Variants in SLFN14 observed in about 807,000 individuals in gnomAD.
SLFN14 encodes schlafen family member 14.
SLFN14 carries 47 observed loss-of-function variants against 58.6 expected under a neutral mutation model. The observed-to-expected ratio is 0.80, with a 90% CI of 0.64 to 1.02. The LOEUF (loss-of-function observed/expected upper bound fraction) is 1.02. SLFN14 is among the 50% of genes least tolerant of loss of function. The pLI is 0.00. For synonymous variants in SLFN14, 390 were observed against 387.3 expected, an observed-to-expected ratio of 1.01 and a Z score of -0.08; for missense variants, 967 against 1,078.4, an observed-to-expected ratio of 0.90 and a Z score of 1.45.
chr17:35,558,011 C>T lies in SLFN14; in HGVS notation c.52G>A (p.Asp18Asn), dbSNP rs1440889826. 15 of 1,551,462 alleles carry T rather than the reference C, an allele frequency of 9.7e-6. No homozygotes were observed. The highest frequency in any genetic ancestry group is 1.3e-5 in the Non-Finnish European group (15 of 1,147,008). Residue 18 changes from aspartate (D) to asparagine (N), a missense_variant, in exon 3 of 6, where the codon GAT becomes AAT. By Grantham distance (23) the Asp-to-Asn change is conservative. Transcript: ENST00000674182. ...TCTCCAAAAATCACTCTGCCCACAT[C>T]TACTATTACCTCAGGATACGGCATT... ...TEMPYPEVIVDVGRVIFGEEN... is the reference protein window; with the variant it reads ...TEMPYPEVIVNVGRVIFGEEN...
In SLFN14 at chr17:35,557,396, G is replaced by C. The variant is rs757188030; in HGVS notation, c.667C>G (p.Arg223Gly). Residue 223 changes from arginine to glycine, a missense_variant, in exon 3 of 6, where the codon CGG (arginine) becomes GGG (glycine). Arg to Gly is a moderately radical substitution (Grantham distance 125, BLOSUM62 -2). Coordinates refer to ENST00000674182, the MANE Select transcript of SLFN14 (RefSeq NM_001129820.2). Reference protein sequence around the residue: ...KRFTTKKVIPRIKEMLPHYVS... With the variant: ...KRFTTKKVIPGIKEMLPHYVS... Reference sequence around the variant, plus strand: ...TAATGAGGCAGCATTTCCTTAATCCGAGGTATGACTTTTTTGGTGGTGAAC... The same window carrying C: ...TAATGAGGCAGCATTTCCTTAATCCCAGGTATGACTTTTTTGGTGGTGAAC... 6.4e-7 allele frequency: 1 copy of C among 1,551,626 alleles called. No individual in the cohort carries two copies. The highest frequency in any genetic ancestry group is 8.7e-7 in the Non-Finnish European group (1 of 1,146,980).
chr17:35,558,928 AG>A (rs2072677986), intron 2 of SLFN14, among the ~76,000 whole-genome samples: 1 of 152,074 alleles, frequency 6.6e-6, no homozygotes, highest in African/African-American at 2.4e-5. Flanking sequence ...ACACAAACAT[AG>A]GCTGGGTGTG....
intron 4 of SLFN14, 99 bp from the exon 5 acceptor site, chr17:35,553,543 A>G: frequency 1.1e-6 from 1 of 925,724 alleles, no homozygotes; most frequent in Non-Finnish European, 1.6e-6. Context: ...TGCATTTGGG[A>G]AAATAAGAGC....
In SLFN14 at chr17:35,553,236, G is replaced by A. The variant is rs930574646; in HGVS notation, c.1398C>T (p.Pro466=). The A allele has an allele frequency of 7.1e-6, 11 of 1,551,484 alleles. No individual in the cohort carries two copies. Among genetic ancestry groups the A allele is most frequent in the African/African-American group, 5.5e-5 (4 of 72,986 alleles). ...CTATTAAGATTGTATAGAGTACCACGGGGCTGTTAACTGCTATCAGGAGAG... is the reference window on the plus strand; with the variant it reads ...CTATTAAGATTGTATAGAGTACCACAGGGCTGTTAACTGCTATCAGGAGAG... The part of the protein sequence containing the change: ...CDALLIAVNS[P]VVLYTILIDP... Residue 466 remains proline, a synonymous_variant, in exon 5 of 6, where the codon CCC becomes CCT. Coordinates refer to ENST00000674182, the MANE Select transcript of SLFN14 (RefSeq NM_001129820.2).
Position 35,557,619 on chromosome 17 carries a change from C to T in SLFN14, c.444G>A (p.Glu148=). 1 of 1,551,718 alleles carries T rather than the reference C, an allele frequency of 6.4e-7. No individual in the cohort carries two copies. The highest frequency in any genetic ancestry group is 1.2e-5 in the South Asian group (1 of 84,060). Reference sequence around the variant, plus strand: ...CTCTAAACCCCTTCTCTCTGAGAAGCTCCAGGGCACTGCTAGCACTCAAGT... The same window carrying T: ...CTCTAAACCCCTTCTCTCTGAGAAGTTCCAGGGCACTGCTAGCACTCAAGT... ...AINLSASSAL[E]LLREKGFRAQ... is the part of the protein sequence containing the mutation. The change falls in exon 3 of 6, where the codon GAG becomes GAA. Residue 148 remains glutamate (E), a synonymous_variant. Transcript: ENST00000674182.
chr17:35,559,597 C>A (rs1162188092), intron 2 of SLFN14, among the ~76,000 whole-genome samples, 130 bp downstream of exon 2: 1 of 152,220 alleles, frequency 6.6e-6, no homozygotes, highest in Non-Finnish European at 1.5e-5. Flanking sequence ...AAAAGATCTG[C>A]TTACCTTTAG....
At chr17:35,553,664 G>A (rs902791729) in intron 4 of SLFN14, among the ~76,000 whole-genome samples, 3 of 151,840 alleles carry the variant, frequency 2.0e-5, no homozygotes, top group African/African-American at 7.3e-5. Context: ...TTTGTGAGAC[G>A]GAGTCTCGCT....
chr17:35,546,990 T>C lies in SLFN14; in HGVS notation c.*1249A>G, dbSNP rs967329254. 6.6e-6 allele frequency among the ~76,000 whole-genome samples: 1 copy of C among 152,150 alleles called. No homozygotes were observed. Among genetic ancestry groups the C allele is most frequent in the Non-Finnish European group, 1.5e-5 (1 of 68,018 alleles). On this transcript the variant is annotated 3_prime_UTR_variant, in exon 6 of 6. Transcript: ENST00000674182. ...AAGTCATAATGGAAGAAATCAGAGA[T>C]GTGCAAAGGCCCCTTGTAGGAAGAC...
intron 2 of SLFN14, 117 bp from the exon 3 acceptor site, chr17:35,558,223 CTATATG>C (rs1350463053): frequency 2.8e-6 from 2 of 707,820 alleles, no homozygotes; most frequent in Non-Finnish European, 4.5e-6. Flanking sequence ...TCATCTCTCT[CTATATG>C]TATATTTGTT....
At position 35,546,934 on chromosome 17, in the gene SLFN14, A is replaced by G. The variant is rs1426499573; in HGVS notation, c.*1305T>C. Among the ~76,000 whole-genome samples, 2 of 152,150 alleles carry G rather than the reference A, an allele frequency of 1.3e-5. No individual in the cohort carries two copies. Among genetic ancestry groups the G allele is most frequent in the East Asian group, 3.8e-4 (2 of 5,198 alleles). On this transcript the variant is annotated 3_prime_UTR_variant, in exon 6 of 6. Transcript: ENST00000674182. The stretch of plus-strand genomic sequence containing the variant: ...AAGTTGCCACCAAGGATCCCCATAA[A>G]CTCTGAGAGTTGGATTTAAAAATTA...
rs1423851332 is a variant in SLFN14, at chr17:35,548,261, T to C, written c.2717A>G (p.Tyr906Cys). 1 of 1,551,188 alleles carries C rather than the reference T, an allele frequency of 6.4e-7. No homozygotes were observed. The highest frequency in any genetic ancestry group is 1.4e-5 in the African/African-American group (1 of 73,018). Residue 906 changes from tyrosine (Y) to cysteine (C), a missense_variant, in exon 6 of 6, where the codon TAT becomes TGT. By Grantham distance (194) the Tyr-to-Cys change is radical. Coordinates refer to ENST00000674182, the MANE Select transcript of SLFN14 (RefSeq NM_001129820.2). The stretch of plus-strand genomic sequence containing the variant: ...TTTTCAGTAGGCTGCCCTCTTTTCA[T>C]AAAGCAGGTAGAGGTGTTTAATGGC... ...SRAIKHLYLLYEKRAAY is the reference protein window; with the variant it reads ...SRAIKHLYLLCEKRAAY
At position 35,544,284 on chromosome 17, in the gene SLFN14, C is replaced by G. The variant is rs1597897411; in HGVS notation, c.*3955G>C. ...TTACAGGGGTGGAAAATATCTCTAC[C>G]TCTAATGTTAGTAACTACAAAGGGT... On this transcript the variant is annotated 3_prime_UTR_variant, in exon 6 of 6. Coordinates refer to ENST00000674182, the MANE Select transcript of SLFN14 (RefSeq NM_001129820.2). 6.6e-6 allele frequency among the ~76,000 whole-genome samples: 1 copy of G among 152,258 alleles called. No homozygotes were observed. Among genetic ancestry groups the G allele is most frequent in the Middle Eastern group, 3.4e-3 (1 of 294 alleles).
chr17:35,545,234 T>C lies in SLFN14; in HGVS notation c.*3005A>G, dbSNP rs1185800256. On this transcript the variant is annotated 3_prime_UTR_variant, in exon 6 of 6. Coordinates refer to ENST00000674182, the MANE Select transcript of SLFN14 (RefSeq NM_001129820.2). ...AATCTCTAACATTAGAAATTCATAC[T>C]ATCGAATTGAATCATTGTAGATTCT... 6.6e-6 allele frequency among the ~76,000 whole-genome samples: 1 copy of C among 152,256 alleles called. No homozygotes were observed. The highest frequency in any genetic ancestry group is 2.4e-5 in the African/African-American group (1 of 41,470).
intron 5 of SLFN14, among the ~76,000 whole-genome samples, chr17:35,549,499 TGCAAAAAAAGCA>T (rs1001003261): frequency 6.6e-6 from 1 of 152,196 alleles, no homozygotes; most frequent in African/African-American, 2.4e-5. Flanking sequence ...AATTTTTATG[TGCAAAAAAAGCA>T]CGGACTAGTT....
Position 35,554,601 on chromosome 17 carries a change from C to A in SLFN14, c.1164G>T (p.Glu388Asp), listed in dbSNP as rs1224341149. ...CTGGAAACAAATGTCGTTGCAGAGC[C>A]TCCTTAAATTTGTGGACTTTTATGG... ...GYPIKVHKFK[E>D]ALQRHLFPVT... The change falls in exon 4 of 6, where the codon GAG becomes GAT. Residue 388 changes from glutamate to aspartate, a missense_variant. By Grantham distance (45) the Glu-to-Asp change is conservative (BLOSUM62 2). Coordinates refer to ENST00000674182, the MANE Select transcript of SLFN14 (RefSeq NM_001129820.2). 3.9e-6 allele frequency: 6 copies of A among 1,532,252 alleles called. No homozygotes were observed. The highest frequency in any genetic ancestry group is 5.3e-6 in the Non-Finnish European group (6 of 1,138,732). The allele number at this position is 1,532,252 out of a possible 1,614,324, so 94.9% of individuals were successfully genotyped here.
rs1340328325 is a variant in SLFN14 at position 35,557,766 on chromosome 17, C to T, written c.297G>A (p.Met99Ile). The T allele has an allele frequency of 7.1e-6, 11 of 1,551,704 alleles. No homozygotes were observed. The East Asian group carries it at 1.7e-4, about 24-fold the overall frequency. Residue 99 changes from methionine to isoleucine, a missense_variant, in exon 3 of 6, where the codon ATG becomes ATA. Coordinates refer to ENST00000674182, the MANE Select transcript of SLFN14 (RefSeq NM_001129820.2). ...PSGSQKYLDY[M>I]QQGHNLLIFV... ...AAATCAGGAGATTGTGCCCCTGCTG[C>T]ATGTAGTCAAGGTATTTCTGTGAAC...
At chr17:35,556,152 C>A (rs530537022) in intron 3 of SLFN14, among the ~76,000 whole-genome samples, 1 of 152,186 alleles carries the variant, frequency 6.6e-6, no homozygotes, top group Admixed American at 6.5e-5. Flanking sequence ...ATCCTCCCAC[C>A]TCAGCCTCCC....
chr17:35,549,315 C>T (rs894476135), intron 5 of SLFN14, among the ~76,000 whole-genome samples: 7 of 152,188 alleles, frequency 4.6e-5, no homozygotes, highest in Admixed American at 3.3e-4. Flanking sequence ...GAAATGAACC[C>T]AGGTAACAGA....
intron 5 of SLFN14, 56 bp from the exon 6 acceptor site, chr17:35,549,129 G>T: frequency 7.5e-7 from 1 of 1,329,682 alleles, no homozygotes; most frequent in Non-Finnish European, 1.0e-6. Context: ...AACACCAGCA[G>T]TCATTACTCT....
Sources: allele counts gnomAD v4.1 joint callset (sites outside exome capture counted in the v4.1 genomes callset), GRCh38; gene constraint gnomAD v4.1.1; transcripts MANE v1.5; gene names NCBI Gene and HGNC (gene_info 2026-07-23, HGNC 2026-07-21).